Variants in ZNF232 observed in about 807,000 individuals in gnomAD.
The protein encoded by ZNF232 is zinc finger and SCAN domain-containing protein 11.
In ZNF232, 25 loss-of-function variants were observed where a neutral mutation model predicts 25.2. The observed-to-expected ratio is 0.99, with a 90% CI of 0.72 to 1.39. The LOEUF is 1.39. ZNF232 is among the 40% of genes most tolerant of loss of function. ZNF232 has a pLI of 0.00. For synonymous variants in ZNF232, 193 were observed against 182.9 expected (o/e 1.06, Z -0.45); for missense variants, 519 against 520.9 (o/e 1.00, Z 0.04).
chr17:5,106,995 G>A (rs1485205899), intron 3 of ZNF232, among the ~76,000 whole-genome samples: 1 of 151,928 alleles, frequency 6.6e-6, no homozygotes, highest in Admixed American at 6.6e-5. Flanking sequence ...CCTCTTTAGA[G>A]GACTCTCAAC....
At chr17:5,119,770 A>G (rs2072610115) in intron 1 of ZNF232, among the ~76,000 whole-genome samples, 1 of 152,204 alleles carries the variant, frequency 6.6e-6, no homozygotes, top group African/African-American at 2.4e-5. Flanking sequence ...GCCCAGCACT[A>G]CAAGTGACTC....
chr17:5,106,005 T>C, exon 4 of ZNF232: 1 of 1,614,166 alleles, frequency 6.2e-7, no homozygotes, highest in East Asian at 2.2e-5. Flanking sequence ...CTCATAGGGC[T>C]TCTCTCCTGA....
chr17:5,115,950 C>T (rs2072525582), upstream of ZNF232, among the ~76,000 whole-genome samples: 1 of 152,170 alleles, frequency 6.6e-6, no homozygotes, highest in African/African-American at 2.4e-5. Context: ...GGGATCGGGG[C>T]GGGGTGCGTG....
chr17:5,121,154 T>A (rs1259760031), intron 1 of ZNF232, among the ~76,000 whole-genome samples: 1 of 152,164 alleles, frequency 6.6e-6, no homozygotes, highest in Non-Finnish European at 1.5e-5. Flanking sequence ...CCAGTGCCTG[T>A]CTTTGAGGTG....
intron 3 of ZNF232, among the ~76,000 whole-genome samples, chr17:5,106,809 G>A (rs188241147): frequency 1.1e-4 from 17 of 152,046 alleles, no homozygotes; most frequent in African/African-American, 4.1e-4. Context: ...GGTCTTTTTA[G>A]GATTTTTCAT....
At chr17:5,111,773 C>T in intron 1 of ZNF232, 27 bp downstream of exon 1, 3 of 1,613,680 alleles carry the variant, frequency 1.9e-6, no homozygotes, top group Non-Finnish European at 2.5e-6. Context: ...CCAGGTGGAC[C>T]TCGGGGAAGC....
intron 3 of ZNF232, 111 bp downstream of exon 3, chr17:5,108,815 G>A (rs2072323434): frequency 6.6e-7 from 1 of 1,518,950 alleles, no homozygotes; most frequent in Non-Finnish European, 9.0e-7. Flanking sequence ...AGGCTGTGAT[G>A]ATACCAAACA....
chr17:5,111,631 C>T, intron 1 of ZNF232, 169 bp downstream of exon 1: 1 of 957,452 alleles, frequency 1.0e-6, no homozygotes, highest in Non-Finnish European at 1.5e-6. Context: ...CGTGACGCGA[C>T]GCAACGCAGG....
In ZNF232 at chr17:5,109,516, G is replaced by C. The variant is rs762718446; in HGVS notation, c.376C>G (p.Gln126Glu). 4.3e-6 allele frequency: 7 copies of C among 1,614,088 alleles called. No homozygotes were observed. The Admixed American group carries it at 1.0e-4, about 23-fold the overall frequency. The stretch of plus-strand genomic sequence containing the variant: ...TCCTCAGGCAGGATGGTCAAGAATT[G>C]TTCCAGCACCAGGAACTCCAGGATC... The change falls in exon 2 of 4, where the codon CAA becomes GAA. Residue 126 changes from glutamine (Q) to glutamate (E), a missense_variant. Gln to Glu is a conservative substitution (Grantham distance 29). Coordinates refer to ENST00000575898, the Ensembl canonical transcript of ZNF232.
intron 1 of ZNF232, among the ~76,000 whole-genome samples, chr17:5,122,091 G>T (rs2072687817): frequency 6.6e-6 from 1 of 151,908 alleles, no homozygotes; most frequent in Non-Finnish European, 1.5e-5. Flanking sequence ...TGTGTCAGGG[G>T]GCTGGAGCAG....
At chr17:5,108,854 A>G in intron 3 of ZNF232, 72 bp downstream of exon 3, 2 of 1,606,494 alleles carry the variant, frequency 1.2e-6, no homozygotes, top group Non-Finnish European at 1.7e-6. Flanking sequence ...TTTACCCTTT[A>G]CAGGTACTAG....
chr17:5,115,116 C>G (rs1288905614), upstream of ZNF232: 2 of 143,582 alleles, frequency 1.4e-5, no homozygotes, highest in African/African-American at 5.1e-5. Context: ...AAAGTCAAAG[C>G]TAAAAATTCT....
At chr17:5,121,695 C>T (rs573582990) in intron 1 of ZNF232, 45 of 163,432 alleles carry the variant, frequency 2.8e-4, no homozygotes, top group African/African-American at 8.6e-4. Flanking sequence ...CGTGAAGACA[C>T]GGCTGGAGCA....
chr17:5,109,424 A>G, exon 2 of ZNF232: 1 of 1,613,832 alleles, frequency 6.2e-7, no homozygotes, highest in East Asian at 2.2e-5. Context: ...CTTTCTCTAA[A>G]TCCTCCAGCA....
chr17:5,106,095 C>T (rs1374639467), exon 4 of ZNF232: 1 of 1,614,196 alleles, frequency 6.2e-7, no homozygotes, highest in Non-Finnish European at 8.5e-7. Flanking sequence ...GGGTTTCTCT[C>T]CTGTATGAAT....
At chr17:5,106,168 A>C in exon 4 of ZNF232, 1 of 1,614,184 alleles carries the variant, frequency 6.2e-7, no homozygotes, top group South Asian at 1.1e-5. Flanking sequence ...CTACACTTAT[A>C]GGGTTTCTCT....
At chr17:5,118,086 C>G (rs1421525686) in intron 1 of ZNF232, 1 of 149,312 alleles carries the variant, frequency 6.7e-6, no homozygotes, top group African/African-American at 2.5e-5. Flanking sequence ...AAAAAAAAAT[C>G]AAGACAAGTG....
chr17:5,117,335 G>T (rs994940588), intron 1 of ZNF232, among the ~76,000 whole-genome samples: 1 of 152,108 alleles, frequency 6.6e-6, no homozygotes, highest in East Asian at 1.9e-4. Context: ...GACCAACATG[G>T]TGAAACCCCC....
intron 1 of ZNF232, among the ~76,000 whole-genome samples, chr17:5,122,177 A>G (rs1018280625): frequency 6.6e-6 from 1 of 151,996 alleles, no homozygotes; most frequent in Non-Finnish European, 1.5e-5. Context: ...TGGTGCACGC[A>G]GAAGAGAGGT....
Sources: allele counts gnomAD v4.1 joint callset (sites outside exome capture counted in the v4.1 genomes callset), GRCh38; gene constraint gnomAD v4.1.1; transcripts MANE v1.5; gene names NCBI Gene and HGNC (gene_info 2026-07-23, HGNC 2026-07-21).